Variants in IL1RAPL2 observed in about 807,000 individuals in gnomAD.
IL1RAPL2 encodes the protein X-linked interleukin-1 receptor accessory protein-like 2.
In IL1RAPL2, 3 loss-of-function variants were observed where a neutral mutation model predicts 44.1. The observed-to-expected ratio is 0.07, with a 90% CI of 0.03 to 0.18. IL1RAPL2 has a LOEUF of 0.18. IL1RAPL2 is among the 10% of genes least tolerant of loss of function. IL1RAPL2 has a pLI of 1.00. For missense variants in IL1RAPL2, 391 were observed against 496.4 expected (o/e 0.79, Z 2.02); for synonymous variants, 181 against 178.8 (o/e 1.01, Z -0.10).
At chrX:105,212,591 C>A (rs1470821535) in intron 3 of IL1RAPL2, among the ~76,000 whole-genome samples, 1 of 112,011 alleles carries the variant, frequency 8.9e-6, no homozygotes, top group Non-Finnish European at 1.9e-5. Flanking sequence ...CTGATCCTGA[C>A]AAGAGGGACT....
At chrX:105,415,754 G>A (rs1463559920) in intron 5 of IL1RAPL2, among the ~76,000 whole-genome samples, 1 of 111,162 alleles carries the variant, frequency 9.0e-6, no homozygotes, top group Non-Finnish European at 1.9e-5. Flanking sequence ...CTTGTACTTA[G>A]TAGCACATTA....
At chrX:105,163,382 CA>C (rs1355616902) in intron 2 of IL1RAPL2, among the ~76,000 whole-genome samples, 2 of 111,681 alleles carry the variant, frequency 1.8e-5, no homozygotes, top group Non-Finnish European at 3.8e-5. Context: ...AGAAAGAATA[CA>C]AAAGGGTCAA....
At chrX:105,077,187 G>T (rs2032320630) in intron 2 of IL1RAPL2, among the ~76,000 whole-genome samples, 2 of 111,755 alleles carry the variant, frequency 1.8e-5, no homozygotes, top group Non-Finnish European at 3.8e-5. Flanking sequence ...GGTACCGGTT[G>T]TTCCTTTCCA....
intron 6 of IL1RAPL2, among the ~76,000 whole-genome samples, chrX:105,682,738 T>A (rs2037935842): frequency 8.9e-6 from 1 of 112,386 alleles, no homozygotes; most frequent in African/African-American, 3.2e-5. Context: ...CAGTAACATA[T>A]CAATAAACCT....
intron 1 of IL1RAPL2, among the ~76,000 whole-genome samples, chrX:104,586,532 A>G (rs144126519): frequency 6.6e-4 from 74 of 111,542 alleles, no homozygotes; most frequent in African/African-American, 2.3e-3. Flanking sequence ...CACTTTGTCT[A>G]TGGCTCCACC....
chrX:104,658,235 G>A (rs1191344580), intron 1 of IL1RAPL2, among the ~76,000 whole-genome samples: 2 of 112,246 alleles, frequency 1.8e-5, no homozygotes, highest in African/African-American at 6.5e-5. Context: ...TCAATGATAG[G>A]CTGGATTAAG....
At chrX:105,020,987 G>A (rs1370820252) in intron 2 of IL1RAPL2, among the ~76,000 whole-genome samples, 10 of 111,980 alleles carry the variant, frequency 8.9e-5, no homozygotes, top group Admixed American at 8.5e-4. Flanking sequence ...TATTTGAACA[G>A]TGTCAGCAGG....
At chrX:105,615,081 C>A (rs2147828394) in intron 6 of IL1RAPL2, among the ~76,000 whole-genome samples, 1 of 112,053 alleles carries the variant, frequency 8.9e-6, no homozygotes, top group Non-Finnish European at 1.9e-5. Context: ...TGAAAAGCTG[C>A]TTAGCATCAT....
chrX:104,891,296 C>T lies in IL1RAPL2; in HGVS notation c.82+232301C>T, dbSNP rs1923431400. Among the ~76,000 whole-genome samples the T allele has an allele frequency of 4.5e-5, 5 of 111,639 alleles. No individual in the cohort carries two copies. In the South Asian group the frequency reaches 1.9e-3, roughly 42 times the overall value. ...TGGAAATGCGGGTTCTTTTTTGGTTCCATATGAACTTTAAAGTAGTTTTTT... is the reference window on the plus strand; with the variant it reads ...TGGAAATGCGGGTTCTTTTTTGGTTTCATATGAACTTTAAAGTAGTTTTTT... On this transcript the variant is annotated intron_variant, in intron 2 of 10. Coordinates refer to ENST00000372582, the MANE Select transcript of IL1RAPL2 (RefSeq NM_017416.2).
Position 104,997,526 on chromosome X carries a change from T to G in IL1RAPL2, c.83-197949T>G, listed in dbSNP as rs150785016. Among the ~76,000 whole-genome samples, 660 of 111,552 alleles carry G rather than the reference T, an allele frequency of 5.9e-3. 3 individuals carry two copies. Among genetic ancestry groups the G allele is most frequent in the African/African-American group, 0.02 (628 of 30,772 alleles). On this transcript the variant is annotated intron_variant, in intron 2 of 10. Coordinates refer to ENST00000372582, the MANE Select transcript of IL1RAPL2 (RefSeq NM_017416.2). ...CTTTTGAAGATCACAGGGGCTGTTG[T>G]ACAGAGAAAGGATTGGAAGAGGCAA... is the stretch of plus-strand genomic sequence containing the variant.
At chrX:104,754,552 G>T (rs1340220925) in intron 2 of IL1RAPL2, among the ~76,000 whole-genome samples, 2 of 111,293 alleles carry the variant, frequency 1.8e-5, no homozygotes, top group East Asian at 5.7e-4. Flanking sequence ...TGCCAGGCTA[G>T]GAACGCTCAT....
intron 2 of IL1RAPL2, among the ~76,000 whole-genome samples, chrX:105,030,871 A>T (rs900050231): frequency 2.0e-4 from 22 of 111,966 alleles, no homozygotes; most frequent in Middle Eastern, 4.6e-3. Context: ...CTTCCTACCC[A>T]TGAGCGTGGA....
At chrX:105,209,384 G>C (rs2033790386) in intron 3 of IL1RAPL2, among the ~76,000 whole-genome samples, 1 of 112,108 alleles carries the variant, frequency 8.9e-6, no homozygotes, top group Non-Finnish European at 1.9e-5. Context: ...AGGCTTCCCT[G>C]GTTTTTGCCT....
At chrX:105,198,107 GTGTATATATA>G (rs2033686383) in intron 3 of IL1RAPL2, among the ~76,000 whole-genome samples, 1 of 111,705 alleles carries the variant, frequency 9.0e-6, no homozygotes, top group African/African-American at 3.2e-5. Context: ...GTATTCCATG[GTGTATATATA>G]TGTACCACAT....
intron 5 of IL1RAPL2, among the ~76,000 whole-genome samples, chrX:105,295,123 T>C (rs2034644861): frequency 9.0e-6 from 1 of 111,346 alleles, no homozygotes; most frequent in South Asian, 3.7e-4. Context: ...AAAATGAGAT[T>C]GGATAGGAAG....
chrX:105,536,425 T>TA (rs60312385), intron 6 of IL1RAPL2, among the ~76,000 whole-genome samples: 1,144 of 92,058 alleles, frequency 0.012, 8 homozygotes, highest in Middle Eastern at 0.017. Flanking sequence ...TTTTATATGG[T>TA]AAAAAAAAAA....
In IL1RAPL2 at chrX:105,203,531, G is replaced by C. The variant is rs374448640; in HGVS notation, c.356+7783G>C. On this transcript the variant is annotated intron_variant, in intron 3 of 10. Transcript: ENST00000372582. ...TCAATAAAACTATTTATAAAAAAAA[G>C]TGTTGTCTGCATTCAGTTTTGAGTT... 4.2e-3 allele frequency among the ~76,000 whole-genome samples: 459 copies of C among 108,386 alleles called. 1 individual carries two copies. Among genetic ancestry groups the C allele is most frequent in the Non-Finnish European group, 4.3e-3 (223 of 51,927 alleles). The allele number at this position is 108,386 out of a possible 115,157, so 94.1% of individuals were successfully genotyped here. A position where few individuals can be genotyped will look rare whatever the true frequency, so the allele number is the denominator to read the frequency against.
At chrX:104,943,860 C>T (rs901297077) in intron 2 of IL1RAPL2, among the ~76,000 whole-genome samples, 1 of 112,206 alleles carries the variant, frequency 8.9e-6, no homozygotes, top group African/African-American at 3.2e-5. Flanking sequence ...AGTTTGTTCT[C>T]TTTATGTATT....
At chrX:105,179,455 A>G (rs1328807039) in intron 2 of IL1RAPL2, among the ~76,000 whole-genome samples, 1 of 111,529 alleles carries the variant, frequency 9.0e-6, no homozygotes, top group Non-Finnish European at 1.9e-5. Flanking sequence ...TTTGCTCAGG[A>G]TTGCTTTGGC....
Sources: allele counts gnomAD v4.1 joint callset (sites outside exome capture counted in the v4.1 genomes callset), GRCh38; gene constraint gnomAD v4.1.1; transcripts MANE v1.5; gene names NCBI Gene and HGNC (gene_info 2026-07-23, HGNC 2026-07-21).